Variants in TRABD2B observed in about 807,000 individuals in gnomAD.
The protein encoded by TRABD2B is metalloprotease TIKI2.
In TRABD2B, 14 loss-of-function variants were observed where a neutral mutation model predicts 40.1. That is an observed-to-expected ratio of 0.35 (90% CI 0.23 to 0.55). The LOEUF (loss-of-function observed/expected upper bound fraction) is 0.55. Ranked by LOEUF, TRABD2B falls within the 20% of genes least tolerant of loss-of-function variation. The pLI, the probability that TRABD2B is intolerant of heterozygous loss-of-function variation, is 0.90. For missense variants in TRABD2B, 541 were observed against 648.6 expected (o/e 0.83, Z 1.80); for synonymous variants, 263 against 277.0 (o/e 0.95, Z 0.50).
intron 2 of TRABD2B, among the ~76,000 whole-genome samples, chr1:47,908,071 GTGGC>G (rs1644702487): frequency 6.6e-6 from 1 of 152,192 alleles, no homozygotes; most frequent in Admixed American, 6.5e-5. Context: ...AATGTGGTCT[GTGGC>G]CATTAGAAAT....
At chr1:47,967,055 C>A (rs1020141489) in intron 2 of TRABD2B, among the ~76,000 whole-genome samples, 2 of 151,748 alleles carry the variant, frequency 1.3e-5, no homozygotes, top group Admixed American at 1.3e-4. Context: ...TGTTTAAATC[C>A]CCTTGACCAT....
chr1:47,827,613 G>A (rs973277540), intron 2 of TRABD2B, among the ~76,000 whole-genome samples: 5 of 152,190 alleles, frequency 3.3e-5, no homozygotes, highest in African/African-American at 1.2e-4. Context: ...AATTGAGAAG[G>A]GGCCTATTAG....
At chr1:47,864,149 A>G (rs1644019314) in intron 2 of TRABD2B, among the ~76,000 whole-genome samples, 1 of 152,128 alleles carries the variant, frequency 6.6e-6, no homozygotes, top group African/African-American at 2.4e-5. Context: ...GCAATGAAAT[A>G]ATCTGTATGA....
In TRABD2B at chr1:47,992,065, A is replaced by C. The variant is rs576270957; in HGVS notation, c.666+1969T>G. ...GACACTCTGGCAGGTGGTGAAGGGT[A>C]TGGAGATTAGGGAACTAAGAGGAGT... On this transcript the variant is annotated intron_variant, in intron 2 of 6. Coordinates refer to ENST00000606738, the MANE Select transcript of TRABD2B (RefSeq NM_001194986.2). Among the ~76,000 whole-genome samples, 176 of 152,310 alleles carry C rather than the reference A, an allele frequency of 1.2e-3. 1 individual carries two copies. Among genetic ancestry groups the C allele is most frequent in the African/African-American group, 4.0e-3 (168 of 41,578 alleles).
intron 4 of TRABD2B, among the ~76,000 whole-genome samples, chr1:47,780,888 G>T (rs769792727): frequency 6.6e-5 from 10 of 152,200 alleles, no homozygotes; most frequent in Non-Finnish European, 1.2e-4. Context: ...ATTCTGCCCC[G>T]CAGCCTGTGA....
chr1:47,842,072 G>A (rs1263903776), intron 2 of TRABD2B, among the ~76,000 whole-genome samples: 2 of 152,068 alleles, frequency 1.3e-5, no homozygotes, highest in African/African-American at 2.4e-5. Context: ...GCGCCTGGCC[G>A]AAACCAACCT....
At chr1:47,769,683 T>C (rs1644353724) in intron 6 of TRABD2B, among the ~76,000 whole-genome samples, 1 of 152,204 alleles carries the variant, frequency 6.6e-6, no homozygotes, top group African/African-American at 2.4e-5. Flanking sequence ...ACACTGCAAG[T>C]GTTCCCAGGC....
Position 47,813,750 on chromosome 1 carries a change from C to G in TRABD2B, c.667-12131G>C, listed in dbSNP as rs1057375700. On this transcript the variant is annotated intron_variant, in intron 2 of 6. Transcript: ENST00000606738. The surrounding 1 kb of genome is among the most constrained non-coding windows in gnomAD (Gnocchi z 4.3). ...TGTTCCCTAAGCACCGGGGTGGGTC[C>G]CAGTTGCAGGAGGTGTTCTGAAGAG... Among the ~76,000 whole-genome samples the G allele has an allele frequency of 6.6e-6, 1 of 152,174 alleles. No individual in the cohort carries two copies. The highest frequency in any genetic ancestry group is 1.5e-5 in the Non-Finnish European group (1 of 68,034).
intron 2 of TRABD2B, among the ~76,000 whole-genome samples, chr1:47,939,428 G>C (rs1215444800): frequency 6.6e-6 from 1 of 152,146 alleles, no homozygotes; most frequent in Non-Finnish European, 1.5e-5. Context: ...GTAATACTAA[G>C]AATAAAATAA....
chr1:47,867,505 A>G (rs1346799802), intron 2 of TRABD2B, among the ~76,000 whole-genome samples: 1 of 152,222 alleles, frequency 6.6e-6, no homozygotes, highest in Non-Finnish European at 1.5e-5. Flanking sequence ...TCTGGAAGGA[A>G]GGTGAGAAGG....
intron 2 of TRABD2B, among the ~76,000 whole-genome samples, chr1:47,853,257 C>A (rs1397279707): frequency 6.6e-6 from 1 of 152,160 alleles, no homozygotes; most frequent in Non-Finnish European, 1.5e-5. Context: ...CAGCCTGGGG[C>A]CCAAACCCAC....
intron 2 of TRABD2B, among the ~76,000 whole-genome samples, chr1:47,967,187 G>C (rs1182668226): frequency 6.6e-6 from 1 of 152,118 alleles, no homozygotes; most frequent in Non-Finnish European, 1.5e-5. Flanking sequence ...CTACTGAGCT[G>C]AAATTGCCTC....
At chr1:47,779,905 G>A (rs989625307) in intron 4 of TRABD2B, among the ~76,000 whole-genome samples, 9 of 152,218 alleles carry the variant, frequency 5.9e-5, no homozygotes, top group African/African-American at 2.2e-4. Context: ...AAGTGGACAG[G>A]CTGTTGGGGA....
At chr1:47,908,486 G>C (rs925709457) in intron 2 of TRABD2B, among the ~76,000 whole-genome samples, 23 of 152,208 alleles carry the variant, frequency 1.5e-4, no homozygotes, top group African/African-American at 5.3e-4. Flanking sequence ...CCCACCTCCA[G>C]AGTTGATGCA....
At chr1:47,824,547 G>A (rs1178748813) in intron 2 of TRABD2B, among the ~76,000 whole-genome samples, 1 of 152,232 alleles carries the variant, frequency 6.6e-6, no homozygotes, top group Non-Finnish European at 1.5e-5. Context: ...GTAGGCAGAG[G>A]AAGTGGCACT....
intron 2 of TRABD2B, among the ~76,000 whole-genome samples, chr1:47,812,126 T>C (rs1644973375): frequency 6.6e-6 from 1 of 152,238 alleles, no homozygotes; most frequent in Non-Finnish European, 1.5e-5. Flanking sequence ...GAATCTTCTA[T>C]TTCTATTCTT....
chr1:47,864,667 C>T (rs1282200338), intron 2 of TRABD2B, among the ~76,000 whole-genome samples: 1 of 152,116 alleles, frequency 6.6e-6, no homozygotes, highest in Non-Finnish European at 1.5e-5. Flanking sequence ...TTTCCTTCTT[C>T]TGCATCAGGC....
intron 2 of TRABD2B, among the ~76,000 whole-genome samples, chr1:47,842,449 C>A (rs902689935): frequency 2.0e-5 from 3 of 152,158 alleles, no homozygotes; most frequent in Admixed American, 1.3e-4. Flanking sequence ...TATACCCTCC[C>A]AGGGGGGAGG....
At chr1:47,858,408 C>T (rs1426564169) in intron 2 of TRABD2B, among the ~76,000 whole-genome samples, 2 of 152,032 alleles carry the variant, frequency 1.3e-5, no homozygotes, top group African/African-American at 4.8e-5. Context: ...CAGGCATGTG[C>T]CACCATGACT....
Sources: allele counts gnomAD v4.1 joint callset (sites outside exome capture counted in the v4.1 genomes callset), GRCh38; gene constraint gnomAD v4.1.1; non-coding constraint Gnocchi (gnomAD v3.1); transcripts MANE v1.5; gene names NCBI Gene and HGNC (gene_info 2026-07-23, HGNC 2026-07-21).